ANKRD36: variants seen among roughly 807,000 people sequenced by gnomAD.
ANKRD36 encodes ankyrin repeat domain 36, also known as ankyrin repeat domain-containing protein 36A.
A neutral mutation model predicts 278.1 loss-of-function variants in ANKRD36; 179 were observed. The observed-to-expected ratio is 0.64, with a 90% CI of 0.57 to 0.73. ANKRD36 has a LOEUF of 0.73. Among genes scored for constraint, ANKRD36 ranks in the 30% least tolerant of loss-of-function variants. The pLI is 0.00. For missense variants in ANKRD36, 1,159 were observed against 1,956.7 expected, an observed-to-expected ratio of 0.59 and a Z score of 7.69; for synonymous variants, 320 against 641.1, an observed-to-expected ratio of 0.50 and a Z score of 7.57.
intron 22 of ANKRD36, among the ~76,000 whole-genome samples, chr2:97,175,180 G>A (rs1220091235): frequency 6.0e-5 from 9 of 149,812 alleles, no homozygotes; most frequent in Non-Finnish European, 1.3e-4. Context: ...TCTATTGATT[G>A]GAATAGTTTC....
intron 52 of ANKRD36, among the ~76,000 whole-genome samples, 198 bp from the exon 53 acceptor site, chr2:97,207,613 A>G (rs1360965362): frequency 4.6e-5 from 7 of 151,510 alleles, no homozygotes; most frequent in African/African-American, 1.4e-4. Context: ...AAATTCTAAG[A>G]CTATATTTCA....
chr2:97,185,187 C>G (rs2057133784), intron 28 of ANKRD36, 129 bp from the exon 29 acceptor site: 3 of 1,307,818 alleles, frequency 2.3e-6, no homozygotes, highest in Non-Finnish European at 3.2e-6. Flanking sequence ...TTCCAGTCCC[C>G]AGACACAAAA....
Position 97,209,848 on chromosome 2 carries a change from A to C in ANKRD36, c.3343A>C (p.Lys1115Gln), listed in dbSNP as rs2063902768. 1 of 1,589,300 alleles carries C rather than the reference A, an allele frequency of 6.3e-7. No individual in the cohort carries two copies. Among genetic ancestry groups the C allele is most frequent in the Non-Finnish European group, 8.5e-7 (1 of 1,170,756 alleles). Reference sequence around the variant, plus strand: ...TGTTTTGTATATAGCCAGAGAAAAAAAGGATGGAGAAAAATCTAGGACAGG... The same window carrying C: ...TGTTTTGTATATAGCCAGAGAAAAACAGGATGGAGAAAAATCTAGGACAGG... The part of the protein sequence containing the change: ...DSVLYIAREK[K>Q]DGEKSRTVSS... The change falls in exon 56 of 76, where the codon AAG becomes CAG. Residue 1115 changes from lysine (K) to glutamine (Q), a missense_variant. Lys to Gln is a moderately conservative substitution (Grantham distance 53, BLOSUM62 1). Coordinates refer to ENST00000420699, the MANE Select transcript of ANKRD36 (RefSeq NM_001354587.1).
At chr2:97,218,531 A>G (rs1459199604) in intron 64 of ANKRD36, among the ~76,000 whole-genome samples, 9 of 151,410 alleles carry the variant, frequency 5.9e-5, no homozygotes, top group Admixed American at 5.3e-4. Context: ...AAGCAGATCA[A>G]TTCAGGACAC....
intron 67 of ANKRD36, among the ~76,000 whole-genome samples, chr2:97,225,569 C>G (rs182886716): frequency 6.6e-6 from 1 of 152,066 alleles, no homozygotes; most frequent in African/African-American, 2.4e-5. Context: ...ATAACACTGT[C>G]AATCATATTA....
At chr2:97,117,990 T>G in intron 1 of ANKRD36, 74 bp from the exon 2 acceptor site, 2 of 1,516,458 alleles carry the variant, frequency 1.3e-6, no homozygotes, top group Non-Finnish European at 1.8e-6. Flanking sequence ...ACATATTTGT[T>G]TTGAAGACAG....
chr2:97,224,009 A>G (rs1275192475), intron 66 of ANKRD36, among the ~76,000 whole-genome samples: 1 of 151,044 alleles, frequency 6.6e-6, no homozygotes, highest in Non-Finnish European at 1.5e-5. Flanking sequence ...AAATTATGAA[A>G]GAAATCTGTC....
At chr2:97,171,630 A>G (rs2052553634) in intron 22 of ANKRD36, among the ~76,000 whole-genome samples, 1 of 145,560 alleles carries the variant, frequency 6.9e-6, no homozygotes. Context: ...GCAGCGCACC[A>G]GCATGGCACA....
chr2:97,134,076 C>T (rs2443906), intron 6 of ANKRD36, among the ~76,000 whole-genome samples: 4 of 152,076 alleles, frequency 2.6e-5, no homozygotes, highest in African/African-American at 4.8e-5. Context: ...TCCCTCACAA[C>T]TAACCCCTGT....
chr2:97,222,934 A>G (rs1329127299), intron 66 of ANKRD36, among the ~76,000 whole-genome samples: 1 of 152,070 alleles, frequency 6.6e-6, no homozygotes, highest in Non-Finnish European at 1.5e-5. Context: ...AATCAAACTA[A>G]TTTTAGAAAC....
intron 6 of ANKRD36, among the ~76,000 whole-genome samples, chr2:97,141,228 C>CATAT (rs200637762): frequency 6.7e-6 from 1 of 148,274 alleles, no homozygotes; most frequent in East Asian, 2.0e-4. Flanking sequence ...GCAATCATGA[C>CATAT]ATATATATAT....
chr2:97,224,436 G>GT (rs1457069314), intron 66 of ANKRD36, among the ~76,000 whole-genome samples: 7,520 of 139,894 alleles, frequency 0.054, 219 homozygotes, highest in Middle Eastern at 0.12. Flanking sequence ...CTATCGTTTT[G>GT]TTTTTTTGTT....
rs4907210 is a variant in ANKRD36 at position 97,205,895 on chromosome 2, A to G, written c.3062-45A>G. 28 of 1,517,012 alleles carry G rather than the reference A, an allele frequency of 1.8e-5. 1 individual carries two copies. The highest frequency in any genetic ancestry group is 1.8e-4 in the South Asian group (15 of 83,414). 94.0% of individuals were successfully genotyped at this position (1,517,012 alleles called of 1,614,324 possible). On this transcript the variant is annotated intron_variant, in intron 50 of 75. Transcript: ENST00000420699. ...TCTGCTTGAATGTATGGATATCTTT[A>G]TCATATTTACATATGACTGATTATG... is the stretch of plus-strand genomic sequence containing the variant.
At chr2:97,201,493 T>C (rs2061365468) in intron 46 of ANKRD36, among the ~76,000 whole-genome samples, 1 of 151,964 alleles carries the variant, frequency 6.6e-6, no homozygotes, top group South Asian at 2.1e-4. Flanking sequence ...TATGTCAAAA[T>C]TGATAATTGA....
chr2:97,153,255 G>A (rs1274478193), intron 14 of ANKRD36, among the ~76,000 whole-genome samples: 3 of 152,120 alleles, frequency 2.0e-5, no homozygotes, highest in Middle Eastern at 3.4e-3. Context: ...CTAGTTTGCT[G>A]AAGCTTTTTC....
Position 97,124,534 on chromosome 2 carries a change from T to G in ANKRD36, c.668T>G (p.Val223Gly). The G allele has an allele frequency of 6.4e-7, 1 of 1,553,236 alleles. No homozygotes were observed. Among genetic ancestry groups the G allele is most frequent in the Non-Finnish European group, 8.7e-7 (1 of 1,147,390 alleles). ...CTTCTTCTGCAGCACAATATTGATG[T>G]GCTTTCTCGAGATGCGTTTCGAAAG... Reference protein sequence around the residue: ...VILLLQHNIDVLSRDAFRKIA... With the variant: ...VILLLQHNIDGLSRDAFRKIA... Residue 223 changes from valine to glycine, a missense_variant, in exon 5 of 76, where the codon GTG becomes GGG. Coordinates refer to ENST00000420699, the MANE Select transcript of ANKRD36 (RefSeq NM_001354587.1).
At chr2:97,196,564 A>G in intron 40 of ANKRD36, 29 bp from the exon 41 acceptor site, 1 of 1,604,108 alleles carries the variant, frequency 6.2e-7, no homozygotes, top group Non-Finnish European at 8.5e-7. Context: ...TTTATGTATG[A>G]CTGATTATGA....
chr2:97,213,002 A>G (rs1290326607), intron 58 of ANKRD36: 131 of 370,904 alleles, frequency 3.5e-4, no homozygotes, highest in Non-Finnish European at 4.5e-4. Context: ...GAGCATGATG[A>G]ATGTTTGTAC....
chr2:97,125,672 T>C (rs1406946450), intron 5 of ANKRD36, among the ~76,000 whole-genome samples: 2 of 151,434 alleles, frequency 1.3e-5, no homozygotes, highest in Non-Finnish European at 3.0e-5. Flanking sequence ...CTTAGAGTAG[T>C]AGGTATCAAC....
Sources: gnomAD v4.1 joint callset for allele counts (sites outside exome capture counted in the v4.1 genomes callset) on GRCh38, gnomAD v4.1.1 for gene constraint, MANE v1.5 for transcripts, NCBI Gene and HGNC (gene_info 2026-07-23, HGNC 2026-07-21) for gene names.